SAMTOR: variants seen among roughly 807,000 people sequenced by gnomAD.
The protein encoded by SAMTOR is UPF0532 protein C7orf60.
At chr7:112,926,830 A>G in the SAMTOR span, among the ~76,000 whole-genome samples, 2 of 152,164 alleles carry the variant, frequency 1.3e-5, no homozygotes, top group Non-Finnish European at 2.9e-5. Flanking sequence ...CCTATATCCT[A>G]TGCAAGGCAT....
the SAMTOR span, among the ~76,000 whole-genome samples, chr7:112,872,877 T>G: frequency 2.0e-5 from 3 of 150,852 alleles, no homozygotes; most frequent in Non-Finnish European, 3.0e-5. Context: ...TCTACACCAG[T>G]AACACTCAAG....
chr7:112,885,474 C>T, the SAMTOR span, among the ~76,000 whole-genome samples: 1 of 152,260 alleles, frequency 6.6e-6, no homozygotes, highest in Non-Finnish European at 1.5e-5. Flanking sequence ...CTTAAATCAT[C>T]TCTCTCAAGT....
the SAMTOR span, among the ~76,000 whole-genome samples, chr7:112,925,309 GC>G: frequency 3.3e-5 from 5 of 152,112 alleles, no homozygotes; most frequent in East Asian, 7.7e-4. Context: ...AGTCTAGAAG[GC>G]CTTTTTTTGA....
the SAMTOR span, among the ~76,000 whole-genome samples, chr7:112,876,470 A>C: frequency 6.6e-6 from 1 of 152,042 alleles, no homozygotes; most frequent in Non-Finnish European, 1.5e-5. Flanking sequence ...ACCCCACAAT[A>C]TATCTTCTAC....
At chr7:112,866,358 T>C in the SAMTOR span, among the ~76,000 whole-genome samples, 2 of 152,242 alleles carry the variant, frequency 1.3e-5, no homozygotes, top group South Asian at 4.1e-4. Context: ...GGAATTTGGC[T>C]ATTATCCACA....
the SAMTOR span, among the ~76,000 whole-genome samples, chr7:112,865,700 T>TATATTCATATATATTTCATATATACAA: frequency 1.4e-3 from 181 of 131,416 alleles, no homozygotes; most frequent in Non-Finnish European, 2.0e-3. Context: ...CATATATACA[T>TATATTCATATATATTTCATATATACAA]ATATTCATAT....
At chr7:112,857,832 C>A in the SAMTOR span, among the ~76,000 whole-genome samples, 1 of 152,096 alleles carries the variant, frequency 6.6e-6, no homozygotes, top group South Asian at 2.1e-4. Flanking sequence ...TCACACATAC[C>A]CTGAACCTGT....
At chr7:112,881,511 A>G in the SAMTOR span, among the ~76,000 whole-genome samples, 1 of 152,172 alleles carries the variant, frequency 6.6e-6, no homozygotes, top group Non-Finnish European at 1.5e-5. Flanking sequence ...GCCAGACTCA[A>G]ACAGACATTG....
chr7:112,921,275 G>C, the SAMTOR span, among the ~76,000 whole-genome samples: 2 of 152,114 alleles, frequency 1.3e-5, no homozygotes, highest in African/African-American at 2.4e-5. Context: ...CAGAACAGAC[G>C]CCTCAGAAAT....
chr7:112,887,625 G>T, the SAMTOR span, among the ~76,000 whole-genome samples: 1 of 152,168 alleles, frequency 6.6e-6, no homozygotes, highest in Non-Finnish European at 1.5e-5. Context: ...TTCTGTAATA[G>T]ATATAGGCTT....
chr7:112,913,062 A>G, the SAMTOR span, among the ~76,000 whole-genome samples: 1 of 152,224 alleles, frequency 6.6e-6, no homozygotes, highest in Non-Finnish European at 1.5e-5. Flanking sequence ...TATTTGGTTC[A>G]GTAGTATGCC....
At chr7:112,939,717 G>C in the SAMTOR span, 13 of 1,608,418 alleles carry the variant, frequency 8.1e-6, no homozygotes, top group Admixed American at 2.2e-4. Context: ...CTCTGCGCAC[G>C]AGCAGTATTT....
At chr7:112,855,834 T>C in the SAMTOR span, among the ~76,000 whole-genome samples, 1 of 152,054 alleles carries the variant, frequency 6.6e-6, no homozygotes, top group Non-Finnish European at 1.5e-5. Context: ...TTTGACTGAA[T>C]TAACAAGGAA....
chr7:112,839,661 CTATATG>C, the SAMTOR span, among the ~76,000 whole-genome samples: 1 of 151,752 alleles, frequency 6.6e-6, no homozygotes, highest in Non-Finnish European at 1.5e-5. Flanking sequence ...TAACTAGATA[CTATATG>C]TAATCTTTGA....
chr7:112,886,611 G>A, the SAMTOR span, among the ~76,000 whole-genome samples: 1 of 152,164 alleles, frequency 6.6e-6, no homozygotes, highest in Non-Finnish European at 1.5e-5. Context: ...TTATGTTTGA[G>A]CCGTACAAAG....
At chr7:112,918,386 C>T in the SAMTOR span, among the ~76,000 whole-genome samples, 2 of 152,112 alleles carry the variant, frequency 1.3e-5, no homozygotes, top group Non-Finnish European at 2.9e-5. Context: ...ACTTTACAGA[C>T]AAGCAAATGC....
chr7:112,838,560 G>A, the SAMTOR span, among the ~76,000 whole-genome samples: 1 of 151,974 alleles, frequency 6.6e-6, no homozygotes, highest in East Asian at 1.9e-4. Context: ...GGATGTCTGA[G>A]TATACCGTTC....
chr7:112,923,111 CTT>C, the SAMTOR span, among the ~76,000 whole-genome samples: 824 of 152,322 alleles, frequency 5.4e-3, 3 homozygotes, highest in Middle Eastern at 0.01. Context: ...ACATGGGAGA[CTT>C]TTCATTTTGT....
chr7:112,886,621 G>A, the SAMTOR span, among the ~76,000 whole-genome samples: 123 of 152,306 alleles, frequency 8.1e-4, no homozygotes, highest in Middle Eastern at 3.4e-3. Flanking sequence ...GCCGTACAAA[G>A]TCTCTATGCT....
Sources: allele counts gnomAD v4.1 joint callset (sites outside exome capture counted in the v4.1 genomes callset), GRCh38; gene constraint gnomAD v4.1.1; transcripts MANE v1.5; gene names NCBI Gene and HGNC (gene_info 2026-07-23, HGNC 2026-07-21).